Variants in CHODL observed in about 807,000 individuals in gnomAD.
CHODL encodes transmembrane protein MT75.
In CHODL, 29 loss-of-function variants were observed where a neutral mutation model predicts 34.5. The ratio of observed to expected loss-of-function variants is 0.84; its 90% CI spans 0.63 to 1.15. The LOEUF (loss-of-function observed/expected upper bound fraction) is 1.15. Among genes scored for constraint, CHODL ranks in the 50% most tolerant of loss-of-function variants. The pLI is 0.00. For missense variants in CHODL, 332 were observed against 332.5 expected (o/e 1.00, Z 0.01); for synonymous variants, 125 against 116.1 (o/e 1.08, Z -0.49).
chr21:18,063,865 ACT>A (rs780318743), intron 2 of CHODL, among the ~76,000 whole-genome samples: 14 of 150,848 alleles, frequency 9.3e-5, no homozygotes, highest in East Asian at 2.0e-4. Flanking sequence ...TCTCTCACTC[ACT>A]CTCTCTTTTT....
chr21:17,977,447 C>T (rs1393951655), intron 1 of CHODL, among the ~76,000 whole-genome samples: 1 of 148,892 alleles, frequency 6.7e-6, no homozygotes. Flanking sequence ...CTCACTGCAA[C>T]CTCCGCCTTC....
chr21:18,032,756 C>G (rs537308540), intron 2 of CHODL, among the ~76,000 whole-genome samples: 25 of 152,136 alleles, frequency 1.6e-4, no homozygotes, highest in Admixed American at 1.4e-3. Flanking sequence ...CTAGCACTGT[C>G]TCTCCAAACT....
intron 2 of CHODL, among the ~76,000 whole-genome samples, chr21:18,220,939 C>T (rs951851725): frequency 3.3e-5 from 5 of 152,042 alleles, no homozygotes; most frequent in African/African-American, 1.2e-4. Context: ...ATATCTCTTG[C>T]AAGACTTATG....
At chr21:18,086,041 C>CT (rs3984977) in intron 2 of CHODL, among the ~76,000 whole-genome samples, 390 of 38,756 alleles carry the variant, frequency 0.01, 22 homozygotes, top group Non-Finnish European at 0.014. Context: ...AGACTTTGTT[C>CT]TTTTTTTTTT....
rs906420710 is a variant in CHODL, at chr21:17,956,387, C to A, written c.-145+38987C>A. Among the ~76,000 whole-genome samples, 8 of 136,574 alleles carry A rather than the reference C, an allele frequency of 5.9e-5. 1 individual carries two copies. The highest frequency in any genetic ancestry group is 2.0e-4 in the African/African-American group (8 of 39,856). The allele number at this position is 136,574 out of a possible 152,430, so 89.6% of individuals were successfully genotyped here. On this transcript the variant is annotated intron_variant, in intron 1 of 6. Coordinates refer to the CHODL transcript ENST00000400127. ...CCCAGAAGCAGATGCTAGCACTATG[C>A]TTCCTGCACAGCCTCCAGAACTGTG...
chr21:18,188,574 T>C (rs1601123367), intron 2 of CHODL, among the ~76,000 whole-genome samples: 2 of 152,338 alleles, frequency 1.3e-5, no homozygotes, highest in African/African-American at 4.8e-5. Flanking sequence ...CATTGCTGTC[T>C]GGGATGTTTC....
At chr21:18,071,146 ATTTT>A (rs10634402) in intron 2 of CHODL, among the ~76,000 whole-genome samples, 1 of 112,656 alleles carries the variant, frequency 8.9e-6, no homozygotes, top group Non-Finnish European at 1.7e-5. Context: ...TAACTACAGC[ATTTT>A]TTTTTTTTTT....
At chr21:18,186,543 C>T (rs557759471) in intron 2 of CHODL, among the ~76,000 whole-genome samples, 51 of 152,268 alleles carry the variant, frequency 3.3e-4, no homozygotes, top group South Asian at 1.2e-3. Context: ...TGGCTGCTTG[C>T]ATAGGATATG....
At chr21:18,167,510 C>T (rs1430045847) in intron 2 of CHODL, among the ~76,000 whole-genome samples, 4 of 151,788 alleles carry the variant, frequency 2.6e-5, no homozygotes, top group Admixed American at 6.6e-5. Context: ...GGGGTTTCAC[C>T]GTGTTAGCCA....
At chr21:18,160,181 CT>C (rs1317191002) in intron 2 of CHODL, among the ~76,000 whole-genome samples, 2 of 124,812 alleles carry the variant, frequency 1.6e-5, no homozygotes, top group African/African-American at 6.0e-5. Flanking sequence ...AAATTAATGT[CT>C]GGAGAGATAA....
intron 2 of CHODL, among the ~76,000 whole-genome samples, chr21:18,055,825 T>G (rs935968180): frequency 6.6e-6 from 1 of 152,074 alleles, no homozygotes; most frequent in Admixed American, 6.6e-5. Context: ...ATAGAATATG[T>G]TCATAAGAAT....
intron 2 of CHODL, among the ~76,000 whole-genome samples, chr21:18,042,043 C>G (rs2064382351): frequency 6.6e-6 from 1 of 151,656 alleles, no homozygotes; most frequent in Non-Finnish European, 1.5e-5. Flanking sequence ...CATTAAACAG[C>G]TTATCACATG....
At chr21:17,934,067 G>A (rs1031102273) in intron 1 of CHODL, among the ~76,000 whole-genome samples, 2 of 150,720 alleles carry the variant, frequency 1.3e-5, no homozygotes, top group African/African-American at 4.9e-5. Flanking sequence ...AGAAATAGTA[G>A]TCACTGGAGA....
chr21:18,263,183 A>C (rs1417421376), intron 5 of CHODL, among the ~76,000 whole-genome samples: 1 of 152,112 alleles, frequency 6.6e-6, no homozygotes, highest in Non-Finnish European at 1.5e-5. Flanking sequence ...TCCACGGTGA[A>C]TCTGAAATTT....
chr21:18,160,799 T>C (rs1325114239), intron 2 of CHODL, among the ~76,000 whole-genome samples: 3 of 152,200 alleles, frequency 2.0e-5, no homozygotes, highest in East Asian at 3.8e-4. Flanking sequence ...AACATACACA[T>C]GCATGTGTCT....
intron 1 of CHODL, among the ~76,000 whole-genome samples, chr21:17,999,308 G>A (rs1009752990): frequency 7.9e-5 from 12 of 152,178 alleles, no homozygotes; most frequent in African/African-American, 2.2e-4. Context: ...CATTCAGCAA[G>A]TCTCTAGGAG....
rs147090857 is a variant in CHODL, at chr21:18,180,401, C to T, written c.-44-76108C>T. On this transcript the variant is annotated intron_variant, in intron 2 of 6. Transcript: ENST00000400127. ...CTCAAGCAATCCTCCTGCTGGGCCT[C>T]CCAAAGTGCTGGGATTATAGGCATG... 2.0e-5 allele frequency among the ~76,000 whole-genome samples: 3 copies of T among 152,234 alleles called. No homozygotes were observed. In the East Asian group the frequency reaches 5.8e-4, roughly 29 times the overall value.
rs142557853 is a variant in CHODL, at chr21:18,256,651, A to C, written c.222A>C (p.Glu74Asp). 3 of 1,614,068 alleles carry C rather than the reference A, an allele frequency of 1.9e-6. No individual in the cohort carries two copies. Among genetic ancestry groups the C allele is most frequent in the East Asian group, 2.2e-5 (1 of 44,870 alleles). ...GAGTCCTCCTCAGCCTTGAGAATGA[A>C]GCAGAACAGAAGTTAATAGAGAGCA... ...EGGVLLSLEN[E>D]AEQKLIESML... is the part of the protein sequence containing the mutation. Residue 74 changes from glutamate (E) to aspartate (D), a missense_variant, in exon 2 of 6, where the codon GAA becomes GAC. By Grantham distance (45) the Glu-to-Asp change is conservative. Coordinates refer to ENST00000299295, the MANE Select transcript of CHODL (RefSeq NM_024944.3).
At chr21:18,150,813 T>C (rs1025431677) in intron 2 of CHODL, among the ~76,000 whole-genome samples, 1 of 152,072 alleles carries the variant, frequency 6.6e-6, no homozygotes, top group Non-Finnish European at 1.5e-5. Context: ...CTGGCCGGCA[T>C]GGTGGCTCAC....
Sources: allele counts gnomAD v4.1 joint callset (sites outside exome capture counted in the v4.1 genomes callset), GRCh38; gene constraint gnomAD v4.1.1; transcripts MANE v1.5; gene names NCBI Gene and HGNC (gene_info 2026-07-23, HGNC 2026-07-21).